Variants in TCP11X1 observed in about 807,000 individuals in gnomAD.
TCP11X1 encodes the protein t-complex 11 family, X-linked 1, also known as T-complex protein 11-like X-linked protein 1.
For synonymous variants in TCP11X1, 2 were observed against 6.3 expected (o/e 0.32, Z 1.02); for missense variants, 2 against 15.4 (o/e 0.13, Z 1.45).
At chrX:102,220,670 C>CATATATATATATATATATATAT (rs1176238420) in intron 2 of TCP11X1, among the ~76,000 whole-genome samples, 10 of 30,306 alleles carry the variant, frequency 3.3e-4, no homozygotes, top group Admixed American at 6.4e-4. Context: ...TGTGTATATA[C>CATATATATATATATATATATAT]ATATATATAT....
At chrX:102,220,651 A>ATG (rs1266501777) in intron 2 of TCP11X1, among the ~76,000 whole-genome samples, 3 of 59,039 alleles carry the variant, frequency 5.1e-5, no homozygotes, top group Non-Finnish European at 8.7e-5. Flanking sequence ...GTGTGTATAT[A>ATG]TGTGTGTGTG....
chrX:102,220,695 ATTT>A lies in TCP11X1; in HGVS notation c.231-828_231-826del, dbSNP rs1179399956. Among the ~76,000 whole-genome samples the A allele has an allele frequency of 5.7e-3, 94 of 16,363 alleles. 1 individual carries two copies. The South Asian group carries it at 0.06, about 10-fold the overall frequency. The allele number at this position is 16,363 out of a possible 115,157, so 14.2% of individuals were successfully genotyped here. A position where few individuals can be genotyped will look rare whatever the true frequency, so the allele number is the denominator to read the frequency against. ...CATATATATATATATATATATATAT[ATTT>A]TTTTTTTTTTTTTTTTTGAGACCGA... On this transcript the variant is annotated intron_variant, in intron 2 of 8. Transcript: ENST00000622971.
intron 2 of TCP11X1, among the ~76,000 whole-genome samples, chrX:102,220,695 A>ATATATATATATATTTT (rs1403296641): frequency 2.4e-4 from 4 of 16,395 alleles, no homozygotes; most frequent in African/African-American, 6.3e-4. Flanking sequence ...ATATATATAT[A>ATATATATATATATTTT]TTTTTTTTTT....
chrX:102,220,697 T>TA (rs1933723162), intron 2 of TCP11X1, among the ~76,000 whole-genome samples: 1 of 10,894 alleles, frequency 9.2e-5, no homozygotes, highest in Non-Finnish European at 1.6e-4. Flanking sequence ...ATATATATAT[T>TA]TTTTTTTTTT....
Position 102,220,695 on chromosome X carries a change from A to AT in TCP11X1, c.231-826dup, listed in dbSNP as rs1179399956. ...CATATATATATATATATATATATAT[A>AT]TTTTTTTTTTTTTTTTTTTTGAGAC... On this transcript the variant is annotated intron_variant, in intron 2 of 8. Transcript: ENST00000622971. 6.0e-3 allele frequency among the ~76,000 whole-genome samples: 99 copies of AT among 16,395 alleles called. 4 individuals are homozygous for AT. Among genetic ancestry groups the AT allele is most frequent in the African/African-American group, 0.013 (42 of 3,181 alleles). 14.2% of individuals were successfully genotyped at this position (16,395 alleles called of 115,157 possible).
rs1403296641 is a variant in TCP11X1 at position 102,220,695 on chromosome X, A to ATATT, written c.231-845_231-844insATTT. 5.4e-3 allele frequency among the ~76,000 whole-genome samples: 88 copies of ATATT among 16,408 alleles called. 4 individuals carry two copies. The highest frequency in any genetic ancestry group is 0.013 in the African/African-American group (43 of 3,187). The allele number at this position is 16,408 out of a possible 115,157, so 14.2% of individuals were successfully genotyped here. The stretch of plus-strand genomic sequence containing the variant: ...CATATATATATATATATATATATAT[A>ATATT]TTTTTTTTTTTTTTTTTTTTGAGAC... On this transcript the variant is annotated intron_variant, in intron 2 of 8. Transcript: ENST00000622971.
intron 2 of TCP11X1, among the ~76,000 whole-genome samples, chrX:102,220,656 T>G: frequency 1.6e-5 from 1 of 61,249 alleles, no homozygotes; most frequent in Non-Finnish European, 2.8e-5. Context: ...TATATATGTG[T>G]GTGTGTGTAT....
At chrX:102,220,693 ATATTTT>A (rs1302893432) in intron 2 of TCP11X1, among the ~76,000 whole-genome samples, 1 of 25,345 alleles carries the variant, frequency 3.9e-5, no homozygotes, top group Non-Finnish European at 6.4e-5. Context: ...ATATATATAT[ATATTTT>A]TTTTTTTTTT....
At chrX:102,220,695 A>ATATATATTTTT (rs1403296641) in intron 2 of TCP11X1, among the ~76,000 whole-genome samples, 3 of 16,396 alleles carry the variant, frequency 1.8e-4, no homozygotes, top group African/African-American at 9.4e-4. Context: ...ATATATATAT[A>ATATATATTTTT]TTTTTTTTTT....
chrX:102,220,695 A>ATATATATATATATATATATTT (rs1403296641), intron 2 of TCP11X1, among the ~76,000 whole-genome samples: 1 of 16,403 alleles, frequency 6.1e-5, no homozygotes, highest in Non-Finnish European at 9.0e-5. Context: ...ATATATATAT[A>ATATATATATATATATATATTT]TTTTTTTTTT....
intron 2 of TCP11X1, among the ~76,000 whole-genome samples, chrX:102,220,693 A>ATG (rs1260190520): frequency 3.9e-5 from 1 of 25,345 alleles, no homozygotes; most frequent in Non-Finnish European, 6.4e-5. Context: ...ATATATATAT[A>ATG]TATTTTTTTT....
At chrX:102,220,638 C>T (rs1157493556) in intron 2 of TCP11X1, among the ~76,000 whole-genome samples, 2 of 53,817 alleles carry the variant, frequency 3.7e-5, no homozygotes, top group Admixed American at 2.6e-4. Flanking sequence ...TATATACACA[C>T]GTGTGTGTAT....
rs1179399956 is a variant in TCP11X1, at chrX:102,220,695, AT to A, written c.231-826del. On this transcript the variant is annotated intron_variant, in intron 2 of 8. Transcript: ENST00000622971. ...CATATATATATATATATATATATAT[AT>A]TTTTTTTTTTTTTTTTTTTGAGACC... is the stretch of plus-strand genomic sequence containing the variant. Among the ~76,000 whole-genome samples, 61 of 16,376 alleles carry A rather than the reference AT, an allele frequency of 3.7e-3. 1 individual carries two copies. The highest frequency in any genetic ancestry group is 0.012 in the African/African-American group (39 of 3,168). 14.2% of individuals were successfully genotyped at this position (16,376 alleles called of 115,157 possible). A position where few individuals can be genotyped will look rare whatever the true frequency, so the allele number is the denominator to read the frequency against.
rs1176238420 is a variant in TCP11X1 at position 102,220,670 on chromosome X, C to CATATATATAT, written c.231-854_231-845dup. On this transcript the variant is annotated intron_variant, in intron 2 of 8. Transcript: ENST00000622971. ...GTATATATGTGTGTGTGTGTATATA[C>CATATATATAT]ATATATATATATATATATATATATA... 5.6e-3 allele frequency among the ~76,000 whole-genome samples: 170 copies of CATATATATAT among 30,235 alleles called. 2 individuals carry two copies. The highest frequency in any genetic ancestry group is 0.029 in the South Asian group (10 of 346). 26.3% of individuals were successfully genotyped at this position (30,235 alleles called of 115,157 possible).
At position 102,220,670 on chromosome X, in the gene TCP11X1, C is replaced by CATATAT. The variant is rs1176238420; in HGVS notation, c.231-850_231-845dup. On this transcript the variant is annotated intron_variant, in intron 2 of 8. Coordinates refer to ENST00000622971, the Ensembl canonical transcript of TCP11X1. ...GTATATATGTGTGTGTGTGTATATA[C>CATATAT]ATATATATATATATATATATATATA... 8.9e-3 allele frequency among the ~76,000 whole-genome samples: 268 copies of CATATAT among 30,243 alleles called. 6 individuals carry two copies. The highest frequency in any genetic ancestry group is 8.9e-3 in the Non-Finnish European group (173 of 19,346). 26.3% of individuals were successfully genotyped at this position (30,243 alleles called of 115,157 possible). A position where few individuals can be genotyped will look rare whatever the true frequency, so the allele number is the denominator to read the frequency against.
chrX:102,220,691 ATATATTT>A (rs1933720278), intron 2 of TCP11X1, among the ~76,000 whole-genome samples: 1 of 24,548 alleles, frequency 4.1e-5, no homozygotes, highest in African/African-American at 1.9e-4. Flanking sequence ...ATATATATAT[ATATATTT>A]TTTTTTTTTT....
chrX:102,220,600 A>T (rs1364034785), intron 2 of TCP11X1, among the ~76,000 whole-genome samples: 2 of 53,354 alleles, frequency 3.7e-5, no homozygotes, highest in Non-Finnish European at 6.4e-5. Flanking sequence ...AACAGAAAAC[A>T]TACATTACTA....
chrX:102,220,536 G>A (rs1933717055), intron 2 of TCP11X1, among the ~76,000 whole-genome samples: 1 of 11,294 alleles, frequency 8.9e-5, no homozygotes, highest in African/African-American at 4.4e-4. Context: ...TTGTGTTGGA[G>A]GAGAAACTTT....
chrX:102,220,695 A>ATTTTTTTTTTTTTTTTT (rs1179399956), intron 2 of TCP11X1, among the ~76,000 whole-genome samples: 1 of 16,396 alleles, frequency 6.1e-5, no homozygotes, highest in Non-Finnish European at 9.0e-5. Context: ...ATATATATAT[A>ATTTTTTTTTTTTTTTTT]TTTTTTTTTT....
Sources: allele counts gnomAD v4.1 joint callset (sites outside exome capture counted in the v4.1 genomes callset), GRCh38; gene constraint gnomAD v4.1.1; transcripts MANE v1.5; gene names NCBI Gene and HGNC (gene_info 2026-07-23, HGNC 2026-07-21).